Variants in CCDC112 observed in about 807,000 individuals in gnomAD.
CCDC112 encodes the protein coiled-coil domain containing 112.
In CCDC112, 40 loss-of-function variants were observed where a neutral mutation model predicts 66.3. The ratio of observed to expected loss-of-function variants is 0.60; its 90% CI spans 0.47 to 0.79. CCDC112 has a LOEUF of 0.79. CCDC112 is among the 30% of genes least tolerant of loss of function. CCDC112 has a pLI of 0.00. For missense variants in CCDC112, 659 were observed against 603.8 expected (o/e 1.09, Z -0.96); for synonymous variants, 214 against 197.2 (o/e 1.09, Z -0.71).
At chr5:115,284,319 T>C (rs766773921) in intron 2 of CCDC112, among the ~76,000 whole-genome samples, 1 of 152,118 alleles carries the variant, frequency 6.6e-6, no homozygotes, top group Non-Finnish European at 1.5e-5. Flanking sequence ...TCCTCTATGA[T>C]CCTCAACATC....
chr5:115,283,731 G>A (rs1423674666), intron 2 of CCDC112, among the ~76,000 whole-genome samples: 1 of 151,958 alleles, frequency 6.6e-6, no homozygotes, highest in Non-Finnish European at 1.5e-5. Flanking sequence ...CTTTTTCATT[G>A]GTAGAATTTC....
chr5:115,284,338 T>C (rs962223438), intron 2 of CCDC112, among the ~76,000 whole-genome samples: 2 of 152,128 alleles, frequency 1.3e-5, no homozygotes, highest in Admixed American at 1.3e-4. Context: ...TCCTCATTTG[T>C]AAAACAGGAA....
At chr5:115,271,734 G>T in intron 6 of CCDC112, 108 bp from the exon 7 acceptor site, 2 of 730,032 alleles carry the variant, frequency 2.7e-6, no homozygotes, top group Non-Finnish European at 4.1e-6. Flanking sequence ...ATTGATTGCA[G>T]AATGCTGGAT....
At chr5:115,270,369 T>G (rs1748946185) in intron 7 of CCDC112, among the ~76,000 whole-genome samples, 1 of 152,206 alleles carries the variant, frequency 6.6e-6, no homozygotes, top group South Asian at 2.1e-4. Context: ...AATTCATAAA[T>G]TATATCTCAT....
Position 115,288,906 on chromosome 5 carries a change from A to C in CCDC112, c.118-3998T>G, listed in dbSNP as rs926283173. The C allele has an allele frequency of 4.5e-5, 20 of 448,344 alleles. No individual in the cohort carries two copies. The Admixed American group carries it at 4.6e-4, about 10-fold the overall frequency. The allele number at this position is 448,344 out of a possible 1,614,324, so 27.8% of individuals were successfully genotyped here. On this transcript the variant is annotated intron_variant, in intron 1 of 9. Coordinates refer to ENST00000379611, the MANE Select transcript of CCDC112 (RefSeq NM_001040440.3). ...ACTAAAAAACTTGCATTTACAAGAT[A>C]GTTGATAAAAATATTCCTCTGGATT...
chr5:115,291,380 C>T (rs898114111), intron 1 of CCDC112, among the ~76,000 whole-genome samples: 1 of 151,910 alleles, frequency 6.6e-6, no homozygotes, highest in African/African-American at 2.4e-5. Flanking sequence ...GATATGTTTG[C>T]TAGTATTTTG....
intron 1 of CCDC112, among the ~76,000 whole-genome samples, chr5:115,287,338 T>C (rs2127070945): frequency 6.6e-6 from 1 of 152,346 alleles, no homozygotes; most frequent in Middle Eastern, 3.4e-3. Context: ...GAATGTCTAC[T>C]TAAATCCTTT....
chr5:115,278,668 T>A lies in CCDC112; in HGVS notation c.361+979A>T, dbSNP rs562598605. Among the ~76,000 whole-genome samples, 3 of 152,120 alleles carry A rather than the reference T, an allele frequency of 2.0e-5. No individual in the cohort carries two copies. In the South Asian group the frequency reaches 6.2e-4, roughly 32 times the overall value. On this transcript the variant is annotated intron_variant, in intron 3 of 9. Coordinates refer to ENST00000379611, the MANE Select transcript of CCDC112 (RefSeq NM_001040440.3). ...AAGAACTGAGGGAAATAAAGAAATA[T>A]TGAATCAGGGGTGTCTCGGTTTTTC...
intron 1 of CCDC112, chr5:115,295,816 C>A (rs907895278): frequency 2.4e-6 from 2 of 846,978 alleles, no homozygotes; most frequent in East Asian, 2.4e-4. Flanking sequence ...AAAAATAAAA[C>A]CAGAAACAGG....
intron 6 of CCDC112, among the ~76,000 whole-genome samples, chr5:115,274,867 A>G (rs2127055311): frequency 6.6e-6 from 1 of 152,264 alleles, no homozygotes; most frequent in South Asian, 2.1e-4. Flanking sequence ...CAGCTTCCCA[A>G]GTAGCTGGGA....
chr5:115,275,760 A>AT (rs1749181497), intron 5 of CCDC112, among the ~76,000 whole-genome samples, 154 bp from the exon 6 acceptor site: 1 of 152,208 alleles, frequency 6.6e-6, no homozygotes, highest in South Asian at 2.1e-4. Context: ...CTCCTCAGAG[A>AT]TAAAAACAAT....
chr5:115,296,443 G>C lies in CCDC112; in HGVS notation c.101C>G (p.Thr34Arg). ...GAATGTGVGA[T>R]PAPQQSDGCF... ...CGGATTTACCTGTTGAGGCGCTGGC[G>C]TCGCTCCCACGCCGGTCCCGGTGGC... is the stretch of plus-strand genomic sequence containing the variant. Residue 34 changes from threonine to arginine, a missense_variant, in exon 1 of 10, where the codon ACG (threonine) becomes AGG (arginine). Thr to Arg is a moderately conservative substitution (Grantham distance 71, BLOSUM62 -1). Transcript: ENST00000379611. 1 of 1,566,368 alleles carries C rather than the reference G, an allele frequency of 6.4e-7. No individual in the cohort carries two copies.
intron 1 of CCDC112, among the ~76,000 whole-genome samples, chr5:115,286,254 T>C (rs1279461257): frequency 1.3e-5 from 2 of 152,182 alleles, no homozygotes; most frequent in Non-Finnish European, 2.9e-5. Flanking sequence ...TCTGACTCTA[T>C]GGATTTGCAT....
At position 115,276,945 on chromosome 5, in the gene CCDC112, T is replaced by C. The variant is rs1430937177; in HGVS notation, c.451+20A>G. 1 of 1,438,836 alleles carries C rather than the reference T, an allele frequency of 7.0e-7. No individual in the cohort carries two copies. The highest frequency in any genetic ancestry group is 1.7e-5 in the Admixed American group (1 of 57,244). The allele number at this position is 1,438,836 out of a possible 1,614,324, so 89.1% of individuals were successfully genotyped here. A position where few individuals can be genotyped will look rare whatever the true frequency, so the allele number is the denominator to read the frequency against. The stretch of plus-strand genomic sequence containing the variant: ...AAATACTAACACATAAGAAAGATTA[T>C]AATATCTAAATTTACTTACAATCAG... On this transcript the variant is annotated intron_variant, in intron 4 of 9. Transcript: ENST00000379611.
intron 4 of CCDC112, 89 bp from the exon 5 acceptor site, chr5:115,276,158 TA>T: frequency 3.3e-6 from 3 of 909,080 alleles, no homozygotes; most frequent in Non-Finnish European, 5.1e-6. Flanking sequence ...AATGTTCTCC[TA>T]ATTTTAAAAT....
At chr5:115,270,387 C>A (rs1307179451) in intron 7 of CCDC112, among the ~76,000 whole-genome samples, 2 of 152,124 alleles carry the variant, frequency 1.3e-5, no homozygotes, top group Admixed American at 1.3e-4. Context: ...CATTTGCACC[C>A]TTTTTCATTT....
chr5:115,271,666 G>GT (rs767775346), intron 6 of CCDC112, 40 bp from the exon 7 acceptor site: 1 of 1,341,390 alleles, frequency 7.5e-7, no homozygotes, highest in East Asian at 2.5e-5. Flanking sequence ...AGAGAAAAAA[G>GT]TTTTTTAATA....
At chr5:115,283,690 TG>T (rs1286384153) in intron 2 of CCDC112, among the ~76,000 whole-genome samples, 5 of 152,110 alleles carry the variant, frequency 3.3e-5, no homozygotes, top group African/African-American at 1.2e-4. Context: ...AGCTACGATA[TG>T]GTATAGCTTT....
intron 9 of CCDC112, among the ~76,000 whole-genome samples, chr5:115,268,550 C>T (rs1748856819): frequency 1.3e-5 from 2 of 151,584 alleles, no homozygotes; most frequent in Non-Finnish European, 2.9e-5. Context: ...GGATTACAGG[C>T]GTAAGCCACT....
Sources: allele counts gnomAD v4.1 joint callset (sites outside exome capture counted in the v4.1 genomes callset), GRCh38; gene constraint gnomAD v4.1.1; transcripts MANE v1.5; gene names NCBI Gene and HGNC (gene_info 2026-07-23, HGNC 2026-07-21).